The following CNTNAP2 variants were observed in gnomAD, a reference collection of about 807,000 sequenced individuals.
The protein encoded by CNTNAP2 is contactin-associated protein-like 2.
A neutral mutation model predicts 155.2 loss-of-function variants in CNTNAP2; 98 were observed. That is an observed-to-expected ratio of 0.63 (90% confidence interval 0.54 to 0.75). The LOEUF is 0.75. Ranked by LOEUF, CNTNAP2 falls within the 30% of genes least tolerant of loss-of-function variation. The probability of loss-of-function intolerance (pLI) is 0.00; values close to 1 mark genes in which losing one functional copy is unlikely to be tolerated. For synonymous variants in CNTNAP2, 651 were observed against 631.2 expected, an observed-to-expected ratio of 1.03 and a Z score of -0.47; for missense variants, 1,727 against 1,688.1, an observed-to-expected ratio of 1.02 and a Z score of -0.40.
intron 1 of CNTNAP2, among the ~76,000 whole-genome samples, chr7:146,180,862 G>T (rs1798539821): frequency 6.6e-6 from 1 of 152,126 alleles, no homozygotes. Flanking sequence ...GTTTGTCGTG[G>T]TTCAAAACCA....
At chr7:147,649,891 CT>C (rs1338296383) in intron 13 of CNTNAP2, among the ~76,000 whole-genome samples, 2 of 151,824 alleles carry the variant, frequency 1.3e-5, no homozygotes, top group East Asian at 3.9e-4. Context: ...GTACTTTAAA[CT>C]TTGTGAAGGA....
At chr7:147,136,269 A>G (rs1390709972) in intron 8 of CNTNAP2, among the ~76,000 whole-genome samples, 1 of 152,022 alleles carries the variant, frequency 6.6e-6, no homozygotes, top group African/African-American at 2.4e-5. Flanking sequence ...CCAAAAAGTC[A>G]TTCAGAATAT....
chr7:147,250,540 C>G (rs1022527898), intron 8 of CNTNAP2, among the ~76,000 whole-genome samples: 1 of 151,714 alleles, frequency 6.6e-6, no homozygotes, highest in Admixed American at 6.6e-5. Context: ...TAAGCACCCC[C>G]CACCCCCCCA....
intron 13 of CNTNAP2, among the ~76,000 whole-genome samples, chr7:147,761,991 A>G (rs902274396): frequency 6.6e-6 from 1 of 152,210 alleles, no homozygotes; most frequent in Non-Finnish European, 1.5e-5. Flanking sequence ...TAGTATATTC[A>G]TATACTAACT....
intron 7 of CNTNAP2, among the ~76,000 whole-genome samples, chr7:147,130,061 G>A (rs765834973): frequency 6.6e-6 from 1 of 151,880 alleles, no homozygotes; most frequent in African/African-American, 2.4e-5. Flanking sequence ...GATTTAACAT[G>A]GAAAAAATAA....
At chr7:146,118,272 T>G (rs1302821737) in intron 1 of CNTNAP2, among the ~76,000 whole-genome samples, 5 of 152,196 alleles carry the variant, frequency 3.3e-5, no homozygotes, top group Admixed American at 1.3e-4. Flanking sequence ...ATAAACTAAC[T>G]GGCAATCTAA....
chr7:147,618,990 A>C (rs1390328013), intron 12 of CNTNAP2, among the ~76,000 whole-genome samples: 1 of 152,204 alleles, frequency 6.6e-6, no homozygotes. Flanking sequence ...TTATTGCCAG[A>C]GACAGGAACA....
intron 13 of CNTNAP2, among the ~76,000 whole-genome samples, chr7:147,831,615 G>T (rs923711773): frequency 6.6e-6 from 1 of 152,130 alleles, no homozygotes; most frequent in Non-Finnish European, 1.5e-5. Context: ...GGACCTACTT[G>T]TTTTGAAAGA....
intron 1 of CNTNAP2, among the ~76,000 whole-genome samples, chr7:146,263,639 G>A (rs1275612731): frequency 6.6e-6 from 1 of 152,130 alleles, no homozygotes; most frequent in Non-Finnish European, 1.5e-5. Flanking sequence ...GACAGAGCAG[G>A]GTATGGTTGG....
At chr7:147,396,780 G>A (rs1229679736) in intron 10 of CNTNAP2, among the ~76,000 whole-genome samples, 8 of 151,898 alleles carry the variant, frequency 5.3e-5, no homozygotes, top group African/African-American at 1.9e-4. Flanking sequence ...GAAGTCTTTT[G>A]AGGAAGAACT....
chr7:147,531,504 C>T (rs544987869), intron 11 of CNTNAP2, among the ~76,000 whole-genome samples: 4 of 152,352 alleles, frequency 2.6e-5, no homozygotes, highest in African/African-American at 9.6e-5. Flanking sequence ...TTAGGGCTTA[C>T]ACCCTCTGAA....
At chr7:147,058,617 TG>T (rs1473672425) in intron 4 of CNTNAP2, among the ~76,000 whole-genome samples, 4 of 152,174 alleles carry the variant, frequency 2.6e-5, no homozygotes, top group Non-Finnish European at 2.9e-5. Context: ...TTTTTGTTTT[TG>T]CTTTTTGAGA....
intron 3 of CNTNAP2, among the ~76,000 whole-genome samples, chr7:146,904,693 G>T (rs996099726): frequency 6.6e-6 from 1 of 152,032 alleles, no homozygotes; most frequent in African/African-American, 2.4e-5. Flanking sequence ...GGATGGTCTC[G>T]ATCTCCTGAC....
intron 13 of CNTNAP2, among the ~76,000 whole-genome samples, chr7:147,693,728 T>G (rs908303146): frequency 3.3e-5 from 5 of 152,074 alleles, no homozygotes; most frequent in South Asian, 2.1e-4. Context: ...AGATAGTTTT[T>G]TTGTTGTTGT....
chr7:147,519,093 T>C (rs576652705), intron 11 of CNTNAP2, among the ~76,000 whole-genome samples: 8 of 151,892 alleles, frequency 5.3e-5, no homozygotes, highest in Non-Finnish European at 1.0e-4. Context: ...ATCACAAATG[T>C]TGTAGCTGAA....
intron 1 of CNTNAP2, among the ~76,000 whole-genome samples, chr7:146,130,797 A>G (rs966139957): frequency 1.3e-5 from 2 of 152,188 alleles, no homozygotes; most frequent in African/African-American, 4.8e-5. Context: ...GGCAGAAGGC[A>G]AAGGGGAAGC....
intron 13 of CNTNAP2, among the ~76,000 whole-genome samples, chr7:147,641,788 C>A (rs1795282150): frequency 6.6e-6 from 1 of 152,090 alleles, no homozygotes; most frequent in Admixed American, 6.5e-5. Context: ...GAAACAGAAT[C>A]AGCCAAAACC....
intron 1 of CNTNAP2, among the ~76,000 whole-genome samples, chr7:146,648,567 A>G (rs1428194718): frequency 1.3e-5 from 2 of 152,126 alleles, no homozygotes; most frequent in African/African-American, 4.8e-5. Context: ...TTTTGAGTCT[A>G]AGAGACCAAA....
At chr7:146,330,388 GT>G (rs1289766027) in intron 1 of CNTNAP2, among the ~76,000 whole-genome samples, 1 of 152,070 alleles carries the variant, frequency 6.6e-6, no homozygotes, top group East Asian at 1.9e-4. Flanking sequence ...GCATCACAAA[GT>G]TCCTGTATCT....
Sources: allele counts gnomAD v4.1 joint callset (sites outside exome capture counted in the v4.1 genomes callset), GRCh38; gene constraint gnomAD v4.1.1; transcripts MANE v1.5; gene names NCBI Gene and HGNC (gene_info 2026-07-23, HGNC 2026-07-21).